Variants in PAX5 observed in about 807,000 individuals in gnomAD.
PAX5 encodes paired box protein Pax-5.
In PAX5, 9 loss-of-function variants were observed where a neutral mutation model predicts 43.7. The ratio of observed to expected loss-of-function variants is 0.21; its 90% confidence interval spans 0.12 to 0.36. The LOEUF is 0.36. Ranked by LOEUF, PAX5 falls within the 10% of genes least tolerant of loss-of-function variation. PAX5 has a pLI of 1.00. For missense variants in PAX5, 383 were observed against 532.7 expected (o/e 0.72, Z 2.77); for synonymous variants, 228 against 214.3 (o/e 1.06, Z -0.56).
At chr9:36,895,349 G>T (rs1157646792) in intron 7 of PAX5, among the ~76,000 whole-genome samples, 1 of 152,184 alleles carries the variant, frequency 6.6e-6, no homozygotes, top group Non-Finnish European at 1.5e-5. Context: ...TGCCTTACTT[G>T]CGTCACCTCA....
intron 6 of PAX5, among the ~76,000 whole-genome samples, chr9:36,952,725 C>T (rs1292054785): frequency 1.3e-5 from 2 of 152,046 alleles, no homozygotes; most frequent in South Asian, 2.1e-4. Context: ...GATACTATTC[C>T]TCTTCAATCA....
At chr9:36,989,335 C>T (rs562170004) in intron 5 of PAX5, among the ~76,000 whole-genome samples, 2 of 152,142 alleles carry the variant, frequency 1.3e-5, no homozygotes, top group East Asian at 1.9e-4. Flanking sequence ...CTGGGATGGC[C>T]AGTAAGCACC....
chr9:36,863,738 C>T (rs1026749970), intron 8 of PAX5, among the ~76,000 whole-genome samples: 2 of 152,196 alleles, frequency 1.3e-5, no homozygotes, highest in Admixed American at 1.3e-4. Flanking sequence ...ATAACATCAA[C>T]AGCAGCCTAA....
chr9:37,027,339 C>A (rs1406737159), intron 1 of PAX5, among the ~76,000 whole-genome samples: 41 of 152,252 alleles, frequency 2.7e-4, no homozygotes, highest in Non-Finnish European at 5.0e-4. Flanking sequence ...GCTGCTCGCC[C>A]ATCGCTGGGA....
intron 8 of PAX5, among the ~76,000 whole-genome samples, chr9:36,847,716 C>T (rs192126035): frequency 3.3e-5 from 5 of 152,186 alleles, no homozygotes; most frequent in Non-Finnish European, 7.4e-5. Flanking sequence ...GGGACCCGAA[C>T]ATGGTTCACT....
rs1828130623 is a variant in PAX5, at chr9:36,898,996, C to T, written c.911-16891G>A. 2.6e-5 allele frequency among the ~76,000 whole-genome samples: 4 copies of T among 152,138 alleles called. No individual in the cohort carries two copies. In the South Asian group the frequency reaches 8.3e-4, roughly 32 times the overall value. ...CATGGGACCCTGCACTCCTTGGCTC[C>T]CCATCACCTCTGGATGAAGTCCAGA... is the stretch of plus-strand genomic sequence containing the variant. On this transcript the variant is annotated intron_variant, in intron 7 of 9. Transcript: ENST00000358127.
Position 36,960,549 on chromosome 9 carries a change from G to A in PAX5, c.780+6000C>T, listed in dbSNP as rs77111844. ...CATGAGGAACTCTTATAGGAGGTAG[G>A]CTTCAAGAAGAAAGAGATCCAACGG... On this transcript the variant is annotated intron_variant, in intron 6 of 9. Coordinates refer to ENST00000358127, the MANE Select transcript of PAX5 (RefSeq NM_016734.3). Among the ~76,000 whole-genome samples the A allele has an allele frequency of 7.8e-3, 1,191 of 152,322 alleles. 14 individuals are homozygous for A. The highest frequency in any genetic ancestry group is 0.026 in the African/African-American group (1,097 of 41,568).
In PAX5 at chr9:36,835,044, A is replaced by G. The variant is rs1019592848; in HGVS notation, c.*5516T>C. 73 of 233,154 alleles carry G rather than the reference A, an allele frequency of 3.1e-4. No individual in the cohort carries two copies. The highest frequency in any genetic ancestry group is 4.2e-5 in the Non-Finnish European group (5 of 118,064). The allele number at this position is 233,154 out of a possible 1,614,324, so 14.4% of individuals were successfully genotyped here. On this transcript the variant is annotated 3_prime_UTR_variant, in exon 10 of 10. Transcript: ENST00000358127. ...CTGTCTCTCCTGCCACAGGCCAAGT[A>G]CCCTACCTGAGACGACTCCTTTGAG...
intron 1 of PAX5, among the ~76,000 whole-genome samples, chr9:37,033,723 C>T (rs559387891): frequency 6.6e-6 from 1 of 152,168 alleles, no homozygotes; most frequent in Non-Finnish European, 1.5e-5. Flanking sequence ...TATAAACACA[C>T]AGGCCCTAAC....
intron 1 of PAX5, among the ~76,000 whole-genome samples, chr9:37,025,491 AAGCCCGCAGAG>A (rs1178929261): frequency 6.6e-6 from 1 of 152,180 alleles, no homozygotes; most frequent in Non-Finnish European, 1.5e-5. Flanking sequence ...CCCTGACCTG[AAGCCCGCAGAG>A]ACCCCGAGCG....
intron 8 of PAX5, among the ~76,000 whole-genome samples, chr9:36,848,969 T>C (rs556738757): frequency 3.9e-5 from 6 of 152,326 alleles, no homozygotes; most frequent in Admixed American, 1.3e-4. Context: ...CTCTACCCTG[T>C]CCCCACCTTT....
intron 5 of PAX5, among the ~76,000 whole-genome samples, chr9:36,979,158 GC>G (rs1386583610): frequency 2.0e-5 from 3 of 152,162 alleles, no homozygotes; most frequent in Non-Finnish European, 2.9e-5. Context: ...ACTCGGACTG[GC>G]TCGACTCCTC....
In PAX5 at chr9:37,034,075, C is replaced by T; in HGVS notation, c.-44G>A. 1.2e-6 allele frequency: 1 copy of T among 803,656 alleles called. No individual in the cohort carries two copies. The highest frequency in any genetic ancestry group is 2.0e-6 in the Non-Finnish European group (1 of 504,672). The allele number at this position is 803,656 out of a possible 1,614,324, so 49.8% of individuals were successfully genotyped here. A position where few individuals can be genotyped will look rare whatever the true frequency, so the allele number is the denominator to read the frequency against. ...GATGGAATGGACAGGGAAAAGTTTC[C>T]ACTTTTTTGTGCCTTTTTTTTTCTT... is the stretch of plus-strand genomic sequence containing the variant. On this transcript the variant is annotated 5_prime_UTR_variant, in exon 1 of 10. Transcript: ENST00000358127.
chr9:36,868,462 G>A (rs1825114936), intron 8 of PAX5, among the ~76,000 whole-genome samples: 1 of 152,228 alleles, frequency 6.6e-6, no homozygotes. Context: ...GTGGGGAGAT[G>A]AGGGACTGCG....
At chr9:36,903,633 C>T (rs977751701) in intron 7 of PAX5, among the ~76,000 whole-genome samples, 6 of 152,324 alleles carry the variant, frequency 3.9e-5, no homozygotes, top group Admixed American at 3.9e-4. Context: ...AAGGAGCAAT[C>T]ATACCTGCTG....
At chr9:36,868,364 C>T (rs189525504) in intron 8 of PAX5, among the ~76,000 whole-genome samples, 7 of 152,332 alleles carry the variant, frequency 4.6e-5, no homozygotes, top group African/African-American at 9.6e-5. Flanking sequence ...AGAGGAATTC[C>T]GGGCAGCCCT....
chr9:37,029,738 C>T (rs1005038701), intron 1 of PAX5, among the ~76,000 whole-genome samples: 20 of 152,194 alleles, frequency 1.3e-4, no homozygotes, highest in Admixed American at 1.2e-3. Flanking sequence ...ACACCCCCAC[C>T]CCCAGCCTCT....
At chr9:36,887,232 G>C (rs191380716) in intron 7 of PAX5, among the ~76,000 whole-genome samples, 4 of 152,216 alleles carry the variant, frequency 2.6e-5, no homozygotes, top group Admixed American at 2.6e-4. Context: ...AATTAATATT[G>C]TGATACCAGC....
At chr9:36,931,289 C>T (rs1831101251) in intron 6 of PAX5, among the ~76,000 whole-genome samples, 1 of 152,236 alleles carries the variant, frequency 6.6e-6, no homozygotes. Context: ...GGTCTGCAAG[C>T]CCCTCCTTTC....
Sources: gnomAD v4.1 joint callset for allele counts (sites outside exome capture counted in the v4.1 genomes callset) on GRCh38, gnomAD v4.1.1 for gene constraint, MANE v1.5 for transcripts, NCBI Gene and HGNC (gene_info 2026-07-23, HGNC 2026-07-21) for gene names.